Variants in OPCML observed in about 807,000 individuals in gnomAD.
OPCML encodes the protein opioid-binding protein/cell adhesion molecule.
Under a neutral mutation model 37.8 loss-of-function variants are expected in OPCML, and 13 were observed. The observed-to-expected ratio is 0.34, with a 90% CI of 0.22 to 0.55. The LOEUF (loss-of-function observed/expected upper bound fraction) is 0.55. OPCML is among the 20% of genes least tolerant of loss of function. OPCML has a pLI of 0.91. For missense variants in OPCML, 341 were observed against 435.6 expected (o/e 0.78, Z 1.93); for synonymous variants, 176 against 168.8 (o/e 1.04, Z -0.33).
intron 2 of OPCML, among the ~76,000 whole-genome samples, chr11:132,918,159 G>A (rs926018603): frequency 6.6e-6 from 1 of 152,048 alleles, no homozygotes; most frequent in Non-Finnish European, 1.5e-5. Context: ...CCTTTATAAT[G>A]CGATTTTTAA....
intron 1 of OPCML, among the ~76,000 whole-genome samples, chr11:133,518,377 G>A (rs956409255): frequency 6.6e-6 from 1 of 151,036 alleles, no homozygotes; most frequent in African/African-American, 2.5e-5. Flanking sequence ...TGCAGGCATG[G>A]TGTGTGTAAA....
intron 4 of OPCML, among the ~76,000 whole-genome samples, chr11:132,508,865 T>C (rs2096262980): frequency 6.6e-6 from 1 of 152,058 alleles, no homozygotes; most frequent in African/African-American, 2.4e-5. Context: ...ATACAGTAAA[T>C]TGGTACCAGA....
At chr11:132,644,304 C>T (rs1248193570) in intron 3 of OPCML, among the ~76,000 whole-genome samples, 1 of 152,104 alleles carries the variant, frequency 6.6e-6, no homozygotes, top group Non-Finnish European at 1.5e-5. Flanking sequence ...CTCTGTTAAT[C>T]ACCCTTCATC....
At chr11:133,257,689 G>A (rs1941358943) in intron 1 of OPCML, among the ~76,000 whole-genome samples, 3 of 152,124 alleles carry the variant, frequency 2.0e-5, no homozygotes, top group Non-Finnish European at 4.4e-5. Context: ...TCTCCTCAGT[G>A]CCCAAAGAAG....
At chr11:133,249,362 G>A (rs564924871) in intron 1 of OPCML, among the ~76,000 whole-genome samples, 4 of 152,250 alleles carry the variant, frequency 2.6e-5, no homozygotes, top group Admixed American at 1.3e-4. Flanking sequence ...AACTAAAAGA[G>A]TGAGAACTCA....
intron 1 of OPCML, among the ~76,000 whole-genome samples, chr11:133,319,950 G>A (rs1363432145): frequency 6.6e-6 from 1 of 152,176 alleles, no homozygotes; most frequent in Non-Finnish European, 1.5e-5. Flanking sequence ...GTTGGTGTGG[G>A]ACCACACTCT....
intron 2 of OPCML, among the ~76,000 whole-genome samples, chr11:132,706,820 GT>G: frequency 6.6e-6 from 1 of 152,158 alleles, no homozygotes. Flanking sequence ...GGGTTTATTT[GT>G]TTGAGTTGTA....
At chr11:133,439,236 C>T (rs887867937) in intron 1 of OPCML, 38 of 956,426 alleles carry the variant, frequency 4.0e-5, no homozygotes, top group African/African-American at 5.3e-5. Flanking sequence ...CCCCAGGCAG[C>T]GTCACAATTG....
rs573586691 is a variant in OPCML at position 132,617,251 on chromosome 11, C to T, written c.379+39836G>A. Among the ~76,000 whole-genome samples the T allele has an allele frequency of 2.0e-5, 3 of 152,208 alleles. No homozygotes were observed. The South Asian group carries it at 6.2e-4, about 32-fold the overall frequency. ...TATTGGGGAGGGGGTTGAGAAAAATCCAAGGAAGTATTTATTTTGGAGGAG... is the reference window on the plus strand; with the variant it reads ...TATTGGGGAGGGGGTTGAGAAAAATTCAAGGAAGTATTTATTTTGGAGGAG... On this transcript the variant is annotated intron_variant, in intron 3 of 7. Coordinates refer to ENST00000524381, the MANE Select transcript of OPCML (RefSeq NM_001012393.5).
intron 2 of OPCML, among the ~76,000 whole-genome samples, chr11:132,767,927 T>C (rs1946509591): frequency 6.6e-6 from 1 of 152,182 alleles, no homozygotes; most frequent in Non-Finnish European, 1.5e-5. Flanking sequence ...ATTAGGAACC[T>C]TCACCCTCAT....
intron 1 of OPCML, among the ~76,000 whole-genome samples, chr11:133,259,740 G>A (rs963209935): frequency 6.6e-6 from 1 of 152,208 alleles, no homozygotes; most frequent in South Asian, 2.1e-4. Flanking sequence ...TTATCTTGCT[G>A]AGAGAAAACC....
At chr11:132,440,630 G>A (rs1161516966) in intron 4 of OPCML, among the ~76,000 whole-genome samples, 1 of 152,208 alleles carries the variant, frequency 6.6e-6, no homozygotes, top group Non-Finnish European at 1.5e-5. Context: ...GGGCTCAGTA[G>A]GCTGGCTACA....
chr11:133,091,155 C>T (rs1948899514), intron 1 of OPCML, among the ~76,000 whole-genome samples: 1 of 152,206 alleles, frequency 6.6e-6, no homozygotes, highest in African/African-American at 2.4e-5. Flanking sequence ...TGGGCCACCA[C>T]TTGATAGGGC....
At chr11:133,228,574 C>T (rs1020583769) in intron 1 of OPCML, among the ~76,000 whole-genome samples, 2 of 152,222 alleles carry the variant, frequency 1.3e-5, no homozygotes, top group Admixed American at 1.3e-4. Context: ...TGTGGCCCCT[C>T]CCAGGACGCT....
At chr11:133,080,949 G>T (rs1948706702) in intron 1 of OPCML, among the ~76,000 whole-genome samples, 1 of 152,152 alleles carries the variant, frequency 6.6e-6, no homozygotes, top group Non-Finnish European at 1.5e-5. Context: ...GTGGAAGAGT[G>T]GGGGTGAAGC....
At chr11:132,422,352 A>G (rs116158448) in intron 7 of OPCML, among the ~76,000 whole-genome samples, 4,040 of 152,268 alleles carry the variant, frequency 0.027, 172 homozygotes, top group African/African-American at 0.09. Context: ...ACCATGGAAG[A>G]GTGGGGCTCA....
At chr11:133,042,219 G>A (rs929730859) in intron 1 of OPCML, among the ~76,000 whole-genome samples, 2 of 152,232 alleles carry the variant, frequency 1.3e-5, no homozygotes, top group Admixed American at 1.3e-4. Flanking sequence ...CGCCCACGTG[G>A]CCAGCCCTTA....
chr11:133,180,559 A>G (rs1461711938), intron 1 of OPCML, among the ~76,000 whole-genome samples: 2 of 152,152 alleles, frequency 1.3e-5, no homozygotes, highest in Non-Finnish European at 2.9e-5. Context: ...TCCACAGCGT[A>G]GGCACCTTTC....
intron 1 of OPCML, among the ~76,000 whole-genome samples, chr11:133,088,746 C>T (rs747303065): frequency 9.2e-5 from 14 of 152,166 alleles, no homozygotes; most frequent in African/African-American, 1.9e-4. Flanking sequence ...ACCCCTGGAA[C>T]GCAGGTCATT....
Sources: allele counts gnomAD v4.1 joint callset (sites outside exome capture counted in the v4.1 genomes callset), GRCh38; gene constraint gnomAD v4.1.1; transcripts MANE v1.5; gene names NCBI Gene and HGNC (gene_info 2026-07-23, HGNC 2026-07-21).